The following GRIP1 variants were observed in gnomAD, a reference collection of about 807,000 sequenced individuals.
The protein encoded by GRIP1 is glutamate receptor interacting protein 1.
GRIP1 carries 45 observed loss-of-function variants against 129.9 expected under a neutral mutation model. The observed-to-expected ratio is 0.35, with a 90% CI of 0.27 to 0.44. The LOEUF (loss-of-function observed/expected upper bound fraction) is 0.44, where lower values mean the gene tolerates loss of function less well. GRIP1 is among the 20% of genes least tolerant of loss of function. The pLI is 1.00. For synonymous variants in GRIP1, 530 were observed against 520.8 expected, an observed-to-expected ratio of 1.02 and a Z score of -0.24; for missense variants, 1,196 against 1,396.8, an observed-to-expected ratio of 0.86 and a Z score of 2.29.
chr12:66,394,842 CA>C (rs1340881591), intron 16 of GRIP1, among the ~76,000 whole-genome samples: 1 of 152,162 alleles, frequency 6.6e-6, no homozygotes, highest in Non-Finnish European at 1.5e-5. Flanking sequence ...AGGGTTGGAA[CA>C]AATAACATAT....
intron 1 of GRIP1, among the ~76,000 whole-genome samples, chr12:66,615,115 T>C (rs1421733977): frequency 1.3e-5 from 2 of 152,178 alleles, no homozygotes; most frequent in Non-Finnish European, 1.5e-5. Context: ...AGGAGTCTTG[T>C]ATATTGTCTA....
At chr12:66,733,528 C>G (rs570353519) in intron 1 of GRIP1, among the ~76,000 whole-genome samples, 1 of 152,068 alleles carries the variant, frequency 6.6e-6, no homozygotes, top group Non-Finnish European at 1.5e-5. Context: ...AGGCAGCCAT[C>G]TTGGGGCCTG....
At chr12:66,410,345 A>C (rs2057352285) in intron 15 of GRIP1, among the ~76,000 whole-genome samples, 1 of 147,816 alleles carries the variant, frequency 6.8e-6, no homozygotes, top group Admixed American at 6.8e-5. Context: ...GAAAAAAAAA[A>C]GCTGGGCCAG....
chr12:66,984,025 A>G (rs1034359798), intron 1 of GRIP1, among the ~76,000 whole-genome samples: 1 of 152,216 alleles, frequency 6.6e-6, no homozygotes, highest in East Asian at 1.9e-4. Context: ...GGTTAGAGAT[A>G]CAGCATTTCG....
chr12:66,443,640 G>C (rs535233520), intron 13 of GRIP1, among the ~76,000 whole-genome samples: 80 of 151,964 alleles, frequency 5.3e-4, no homozygotes, highest in Admixed American at 2.7e-3. Context: ...ATTTTTAGTA[G>C]AGACAGGATT....
chr12:66,643,527 T>C (rs1251049224), intron 1 of GRIP1, among the ~76,000 whole-genome samples: 1 of 152,170 alleles, frequency 6.6e-6, no homozygotes, highest in Non-Finnish European at 1.5e-5. Context: ...AAGGGAAATT[T>C]ATATAGAATT....
chr12:66,806,070 T>G (rs1211791358), upstream of GRIP1, among the ~76,000 whole-genome samples: 1 of 151,840 alleles, frequency 6.6e-6, no homozygotes, highest in Non-Finnish European at 1.5e-5. Flanking sequence ...ATGAGAAATT[T>G]GAAGATCTGG....
intron 1 of GRIP1, among the ~76,000 whole-genome samples, chr12:66,637,069 C>G (rs943954549): frequency 6.6e-6 from 1 of 151,994 alleles, no homozygotes; most frequent in Non-Finnish European, 1.5e-5. Context: ...CCAGCCAGGC[C>G]GCTTCATGGT....
intron 1 of GRIP1, among the ~76,000 whole-genome samples, chr12:67,063,333 G>C (rs141078610): frequency 2.0e-5 from 3 of 152,238 alleles, no homozygotes; most frequent in Non-Finnish European, 4.4e-5. Context: ...AAAGTGGTAA[G>C]AAATTAAATC....
At chr12:66,789,594 C>A (rs1422704819) in intron 1 of GRIP1, among the ~76,000 whole-genome samples, 1 of 146,078 alleles carries the variant, frequency 6.8e-6, no homozygotes, top group Non-Finnish European at 1.5e-5. Flanking sequence ...AGATAATGGT[C>A]CATAATTAAT....
chr12:66,742,481 A>G (rs2036818107), intron 1 of GRIP1, among the ~76,000 whole-genome samples: 2 of 152,192 alleles, frequency 1.3e-5, no homozygotes, highest in South Asian at 4.1e-4. Context: ...GAAGGTGATT[A>G]TAAAGTCAAG....
chr12:66,840,432 G>A (rs1379895924), intron 1 of GRIP1, among the ~76,000 whole-genome samples: 1 of 152,090 alleles, frequency 6.6e-6, no homozygotes, highest in Non-Finnish European at 1.5e-5. Context: ...AACAACGTAA[G>A]AGGCAACTTT....
At chr12:66,913,638 A>G (rs1305596356) in intron 1 of GRIP1, among the ~76,000 whole-genome samples, 1 of 152,194 alleles carries the variant, frequency 6.6e-6, no homozygotes, top group African/African-American at 2.4e-5. Context: ...GGCATACTTT[A>G]TATTAAGCTG....
At chr12:66,485,469 T>A (rs1032803425) in intron 7 of GRIP1, among the ~76,000 whole-genome samples, 1 of 151,668 alleles carries the variant, frequency 6.6e-6, no homozygotes, top group African/African-American at 2.4e-5. Flanking sequence ...TTTCAAAATA[T>A]ATATTCTAGT....
intron 1 of GRIP1, among the ~76,000 whole-genome samples, chr12:66,862,175 C>A (rs987028521): frequency 7.9e-5 from 12 of 152,056 alleles, no homozygotes; most frequent in African/African-American, 2.4e-4. Context: ...AAGGGCATTA[C>A]TAGTGTTCAC....
At chr12:66,763,673 T>A (rs2037539803) in intron 1 of GRIP1, among the ~76,000 whole-genome samples, 1 of 151,874 alleles carries the variant, frequency 6.6e-6, no homozygotes, top group African/African-American at 2.4e-5. Context: ...CTGCAGGAAA[T>A]AAAACATAGA....
At chr12:66,727,720 G>A (rs1223154640) in intron 1 of GRIP1, among the ~76,000 whole-genome samples, 2 of 152,042 alleles carry the variant, frequency 1.3e-5, no homozygotes. Context: ...ATAGCCTTTT[G>A]AAAGAAGGTA....
chr12:66,529,551 T>C (rs747238349), intron 5 of GRIP1, among the ~76,000 whole-genome samples: 1 of 152,018 alleles, frequency 6.6e-6, no homozygotes, highest in African/African-American at 2.4e-5. Flanking sequence ...AAATCAAATA[T>C]CGTATGTTCT....
intron 1 of GRIP1, among the ~76,000 whole-genome samples, chr12:66,949,894 G>A (rs962645914): frequency 1.4e-5 from 2 of 147,120 alleles, no homozygotes; most frequent in South Asian, 2.3e-4. Context: ...CAGCCCCCCC[G>A]AGTAGCTGGG....
Sources: allele counts gnomAD v4.1 joint callset (sites outside exome capture counted in the v4.1 genomes callset), GRCh38; gene constraint gnomAD v4.1.1; transcripts MANE v1.5; gene names NCBI Gene and HGNC (gene_info 2026-07-23, HGNC 2026-07-21).